The following ACTR3C variants were observed in gnomAD, a reference collection of about 807,000 sequenced individuals.
ACTR3C encodes the protein actin related protein 3C.
Under a neutral mutation model 26.3 loss-of-function variants are expected in ACTR3C, and 18 were observed. The ratio of observed to expected loss-of-function variants is 0.68; its 90% CI spans 0.47 to 1.01. The LOEUF (loss-of-function observed/expected upper bound fraction) is 1.01, where lower values mean the gene tolerates loss of function less well. Among genes scored for constraint, ACTR3C ranks in the 50% least tolerant of loss-of-function variants. ACTR3C has a pLI of 0.00. For synonymous variants in ACTR3C, 55 were observed against 94.5 expected, an observed-to-expected ratio of 0.58 and a Z score of 2.42; for missense variants, 184 against 250.7, an observed-to-expected ratio of 0.73 and a Z score of 1.80.
rs199570332 is a variant in ACTR3C, at chr7:150,253,910, GTT to G, written c.565-4858_565-4857del. Among the ~76,000 whole-genome samples the G allele has an allele frequency of 7.2e-4, 105 of 145,258 alleles. 2 individuals are homozygous for G. The highest frequency in any genetic ancestry group is 3.5e-3 in the Middle Eastern group (1 of 282). Reference sequence around the variant, plus strand: ...GTTGCTAAGTACAGTTTTTTTTCGTGTTTTTTTTTTTCCCCCAGCATTTTCAC... The same window carrying G: ...GTTGCTAAGTACAGTTTTTTTTCGTGTTTTTTTTTCCCCCAGCATTTTCAC... On this transcript the variant is annotated intron_variant, in intron 6 of 7. Transcript: ENST00000683684.
At chr7:150,021,787 A>G in the ACTR3C span, among the ~76,000 whole-genome samples, 4 of 151,998 alleles carry the variant, frequency 2.6e-5, no homozygotes, top group Non-Finnish European at 5.9e-5. Context: ...GGTTGCTGTG[A>G]ATGCCATTGT....
chr7:150,308,145 G>C (rs1795957406), intron 1 of ACTR3C, among the ~76,000 whole-genome samples: 1 of 152,068 alleles, frequency 6.6e-6, no homozygotes, highest in Non-Finnish European at 1.5e-5. Flanking sequence ...CCTCCACCTT[G>C]GTGGCAAGTA....
At chr7:150,258,624 A>G (rs557295230) in intron 6 of ACTR3C, among the ~76,000 whole-genome samples, 218 of 151,934 alleles carry the variant, frequency 1.4e-3, no homozygotes, top group Non-Finnish European at 2.3e-3. Flanking sequence ...CTGCAATGTG[A>G]GAAAAAAACT....
At chr7:150,319,543 A>G (rs1797282465) in intron 1 of ACTR3C, among the ~76,000 whole-genome samples, 1 of 152,186 alleles carries the variant, frequency 6.6e-6, no homozygotes, top group South Asian at 2.1e-4. Context: ...TAGCTCTGAC[A>G]TTCCACAAGG....
Position 150,323,434 on chromosome 7 carries a change from CGCCAGGCGGCGGGCGGCGGG to C in ACTR3C, c.-52+15_-52+34del. 2.9e-6 allele frequency: 1 copy of C among 344,518 alleles called. No homozygotes were observed. The highest frequency in any genetic ancestry group is 5.5e-6 in the Non-Finnish European group (1 of 181,744). The allele number at this position is 344,518 out of a possible 1,614,324, so 21.3% of individuals were successfully genotyped here. Reference sequence around the variant, plus strand: ...GGCACGCGGCCCAGGGGTCAGGGGCCGCCAGGCGGCGGGCGGCGGGGCTGCGGCTCTTACCTGCCGAGGAG... The same window carrying C: ...GGCACGCGGCCCAGGGGTCAGGGGCCGCTGCGGCTCTTACCTGCCGAGGAG... On this transcript the variant is annotated intron_variant, in intron 1 of 7. Transcript: ENST00000683684.
At chr7:150,031,283 A>C in the ACTR3C span, among the ~76,000 whole-genome samples, 1 of 140,732 alleles carries the variant, frequency 7.1e-6, no homozygotes, top group African/African-American at 2.6e-5. Context: ...AGTAAAAAAA[A>C]AAAAACAAAT....
chr7:149,952,276 CT>C, the ACTR3C span, among the ~76,000 whole-genome samples: 1 of 143,666 alleles, frequency 7.0e-6, no homozygotes, highest in African/African-American at 2.7e-5. Context: ...TCTTCTAAAT[CT>C]TTCTATTCTG....
At chr7:150,098,567 A>C in the ACTR3C span, among the ~76,000 whole-genome samples, 11 of 151,772 alleles carry the variant, frequency 7.2e-5, no homozygotes, top group African/African-American at 1.9e-4. Flanking sequence ...TGCTTTTGTC[A>C]GTTTGTTTAC....
chr7:150,241,154 A>G (rs539622892), downstream of ACTR3C, among the ~76,000 whole-genome samples: 60 of 152,274 alleles, frequency 3.9e-4, no homozygotes, highest in African/African-American at 1.4e-3. Flanking sequence ...ATACCTGAAC[A>G]TAAAATTTAT....
chr7:149,936,717 T>G, the ACTR3C span, among the ~76,000 whole-genome samples: 1 of 152,248 alleles, frequency 6.6e-6, no homozygotes, highest in South Asian at 2.1e-4. Context: ...TGGGTTCAAG[T>G]CCTATTTTTG....
the ACTR3C span, among the ~76,000 whole-genome samples, chr7:150,042,444 G>T: frequency 6.7e-6 from 1 of 148,300 alleles, no homozygotes; most frequent in African/African-American, 2.5e-5. Context: ...CCCCTGTGAT[G>T]AGGGTGCAAA....
rs1203103234 is a variant in ACTR3C at position 150,247,262 on chromosome 7, G to A, written c.*346C>T. The A allele has an allele frequency of 2.6e-5, 4 of 152,176 alleles. No homozygotes were observed. Among genetic ancestry groups the A allele is most frequent in the Non-Finnish European group, 5.9e-5 (4 of 68,044 alleles). 9.4% of individuals were successfully genotyped at this position (152,176 alleles called of 1,614,324 possible). A position where few individuals can be genotyped will look rare whatever the true frequency, so the allele number is the denominator to read the frequency against. ...GCACAGCTTTCCCTCTCTCTCTCCA[G>A]GTGAAGTTTGTGCAAGCGTGAGTTA... On this transcript the variant is annotated 3_prime_UTR_variant, in exon 8 of 8. Transcript: ENST00000683684.
the ACTR3C span, among the ~76,000 whole-genome samples, chr7:149,895,864 A>AT: frequency 6.6e-6 from 1 of 151,180 alleles, no homozygotes; most frequent in South Asian, 2.1e-4. Context: ...AATTAAAAAA[A>AT]TTTTTAAAAT....
the ACTR3C span, among the ~76,000 whole-genome samples, chr7:149,886,403 G>C: frequency 5.9e-5 from 9 of 152,314 alleles, no homozygotes; most frequent in Non-Finnish European, 8.8e-5. Flanking sequence ...TGGAGGACGG[G>C]GGGAGGAAGC....
chr7:150,078,302 A>C, the ACTR3C span, among the ~76,000 whole-genome samples: 1 of 145,006 alleles, frequency 6.9e-6, no homozygotes, highest in East Asian at 2.0e-4. Flanking sequence ...TAAACCGTCT[A>C]TCTGTTGCTT....
the ACTR3C span, among the ~76,000 whole-genome samples, chr7:150,185,454 C>T: frequency 6.6e-6 from 1 of 152,164 alleles, no homozygotes; most frequent in Admixed American, 6.5e-5. Flanking sequence ...AGCTAACATT[C>T]AAATATCTTT....
the ACTR3C span, among the ~76,000 whole-genome samples, chr7:149,896,729 C>G: frequency 1.3e-5 from 2 of 151,804 alleles, no homozygotes; most frequent in African/African-American, 4.9e-5. Flanking sequence ...GACCTGAAAT[C>G]AGAGATCAGG....
chr7:150,105,072 T>C, the ACTR3C span, among the ~76,000 whole-genome samples: 12 of 151,516 alleles, frequency 7.9e-5, no homozygotes, highest in Admixed American at 4.6e-4. Flanking sequence ...TCTGCCTTCT[T>C]CATTCTTTTT....
chr7:149,949,937 C>T, the ACTR3C span, among the ~76,000 whole-genome samples: 1 of 144,132 alleles, frequency 6.9e-6, no homozygotes, highest in Admixed American at 6.8e-5. Flanking sequence ...CAGATATGGC[C>T]CCTGCAAAGC....
Sources: gnomAD v4.1 joint callset for allele counts (sites outside exome capture counted in the v4.1 genomes callset) on GRCh38, gnomAD v4.1.1 for gene constraint, MANE v1.5 for transcripts, NCBI Gene and HGNC (gene_info 2026-07-23, HGNC 2026-07-21) for gene names.